HERC1: variants seen among roughly 807,000 people sequenced by gnomAD.
The protein encoded by HERC1 is HECT and RLD domain containing E3 ubiquitin protein ligase family member 1, also known as probable E3 ubiquitin-protein ligase HERC1.
In HERC1, 160 loss-of-function variants were observed where a neutral mutation model predicts 554.3. The observed-to-expected ratio is 0.29, with a 90% CI of 0.25 to 0.33. The LOEUF (loss-of-function observed/expected upper bound fraction) is 0.33, where lower values mean the gene tolerates loss of function less well. Ranked by LOEUF, HERC1 falls within the 10% of genes least tolerant of loss-of-function variation. The pLI, the probability that HERC1 is intolerant of heterozygous loss-of-function variation, is 1.00. For missense variants in HERC1, 4,919 were observed against 5,918.5 expected, an observed-to-expected ratio of 0.83 and a Z score of 5.54; for synonymous variants, 2,175 against 2,131.7, an observed-to-expected ratio of 1.02 and a Z score of -0.56.
Position 63,789,943 on chromosome 15 carries a change from A to G in HERC1, c.-26-14294T>C, listed in dbSNP as rs190183382. On this transcript the variant is annotated intron_variant, in intron 1 of 77. Coordinates refer to ENST00000443617, the MANE Select transcript of HERC1 (RefSeq NM_003922.4). ...CTAGAAAGAAGATGAAGATCACACA[A>G]ACAATATTAGAGGAATCAAACTATG... is the stretch of plus-strand genomic sequence containing the variant. 2.7e-3 allele frequency among the ~76,000 whole-genome samples: 413 copies of G among 152,258 alleles called. 1 individual carries two copies. Among genetic ancestry groups the G allele is most frequent in the African/African-American group, 9.3e-3 (388 of 41,568 alleles).
At chr15:63,782,036 T>C (rs1173097720) in intron 1 of HERC1, among the ~76,000 whole-genome samples, 3 of 152,214 alleles carry the variant, frequency 2.0e-5, no homozygotes, top group African/African-American at 2.4e-5. Flanking sequence ...GGTTCACTCA[T>C]GAGGCTTAAG....
At chr15:63,759,062 A>G (rs2075523888) in intron 3 of HERC1, among the ~76,000 whole-genome samples, 2 of 152,146 alleles carry the variant, frequency 1.3e-5, no homozygotes, top group Non-Finnish European at 2.9e-5. Context: ...TTTAGAGTCT[A>G]TTTATTTGTT....
intron 43 of HERC1, among the ~76,000 whole-genome samples, chr15:63,663,931 C>A (rs896740566): frequency 6.6e-6 from 1 of 152,154 alleles, no homozygotes; most frequent in African/African-American, 2.4e-5. Flanking sequence ...TCTGTTTTGA[C>A]AAATCACATA....
At chr15:63,791,795 T>A (rs911452432) in intron 1 of HERC1, among the ~76,000 whole-genome samples, 6 of 152,180 alleles carry the variant, frequency 3.9e-5, no homozygotes, top group Non-Finnish European at 7.4e-5. Context: ...TTACTAAGAA[T>A]AAAGAAGTTG....
chr15:63,714,873 CA>C (rs1054493405), intron 22 of HERC1, among the ~76,000 whole-genome samples: 1 of 151,798 alleles, frequency 6.6e-6, no homozygotes, highest in African/African-American at 2.4e-5. Context: ...AATGGGAAAC[CA>C]GGCCAAAAAA....
At chr15:63,821,172 A>G (rs2077677234) in intron 1 of HERC1, among the ~76,000 whole-genome samples, 1 of 152,174 alleles carries the variant, frequency 6.6e-6, no homozygotes, top group Non-Finnish European at 1.5e-5. Context: ...CTATAATCCC[A>G]GCACTTTGGG....
In HERC1 at chr15:63,680,539, C is replaced by G. The variant is rs1425228367; in HGVS notation, c.6463G>C (p.Glu2155Gln). Residue 2155 changes from glutamate to glutamine, a missense_variant and splice_region_variant, in exon 35 of 78, where the codon GAG becomes CAG. Glu to Gln is a conservative substitution (Grantham distance 29, BLOSUM62 2). This residue lies in a region of HERC1 where 85 missense variants were observed against 163.2 expected (regional missense o/e 0.52). Transcript: ENST00000443617. The surrounding 1 kb of genome is among the most constrained non-coding windows in gnomAD (Gnocchi z 5.8). ...TGCTTGTGAATGGGTGTCGGTACCT[C>G]TCCATTTTTCCCAAAAGAAATGGTC... ...ARTISFGKNG[E>Q]EPKLAFEDVD... 2 of 1,613,524 alleles carry G rather than the reference C, an allele frequency of 1.2e-6. No individual in the cohort carries two copies. The highest frequency in any genetic ancestry group is 1.7e-6 in the Non-Finnish European group (2 of 1,179,700).
chr15:63,749,098 T>C lies in HERC1; in HGVS notation c.2219+269A>G, dbSNP rs141147660. On this transcript the variant is annotated intron_variant, in intron 10 of 77. Coordinates refer to ENST00000443617, the MANE Select transcript of HERC1 (RefSeq NM_003922.4). The surrounding 1 kb of genome is among the most constrained non-coding windows in gnomAD (Gnocchi z 4.1). ...GATATTTAATTTTTTTAAATCAGCATGTAGAGATGAGAGAGAACTCAAAAT... is the reference window on the plus strand; with the variant it reads ...GATATTTAATTTTTTTAAATCAGCACGTAGAGATGAGAGAGAACTCAAAAT... Among the ~76,000 whole-genome samples, 113 of 152,314 alleles carry C rather than the reference T, an allele frequency of 7.4e-4. No individual in the cohort carries two copies. The highest frequency in any genetic ancestry group is 2.5e-3 in the African/African-American group (103 of 41,586).
intron 42 of HERC1, 74 bp downstream of exon 42, chr15:63,665,845 T>C: frequency 9.5e-7 from 1 of 1,053,656 alleles, no homozygotes; most frequent in Non-Finnish European, 1.4e-6. Flanking sequence ...GAAGCATTTA[T>C]GACGGGATAT....
At chr15:63,640,563 T>C (rs1595875849) in intron 60 of HERC1, 118 bp from the exon 61 acceptor site, 2 of 837,334 alleles carry the variant, frequency 2.4e-6, no homozygotes, top group East Asian at 5.3e-5. Flanking sequence ...TTAAGCTTTT[T>C]GCTAGGAAAT....
chr15:63,769,201 T>C (rs2075874925), intron 2 of HERC1, among the ~76,000 whole-genome samples: 1 of 152,184 alleles, frequency 6.6e-6, no homozygotes, highest in Non-Finnish European at 1.5e-5. Context: ...GTGGATCACC[T>C]GAGGTCAGGA....
intron 26 of HERC1, among the ~76,000 whole-genome samples, chr15:63,698,509 T>C (rs2153067582): frequency 6.6e-6 from 1 of 152,074 alleles, no homozygotes. Flanking sequence ...CTTCTGAGTA[T>C]ATTGTTCTGA....
At chr15:63,767,095 G>C (rs940366740) in intron 2 of HERC1, among the ~76,000 whole-genome samples, 2 of 151,390 alleles carry the variant, frequency 1.3e-5, no homozygotes, top group African/African-American at 4.8e-5. Flanking sequence ...TCCACCTTCC[G>C]GGTTTAAGCA....
At chr15:63,671,972 C>T (rs551945039) in intron 39 of HERC1, among the ~76,000 whole-genome samples, 9 of 152,216 alleles carry the variant, frequency 5.9e-5, no homozygotes, top group African/African-American at 1.9e-4. Flanking sequence ...TTTAAGTAAG[C>T]ATCACTTGGA....
chr15:63,670,629 G>A (rs1223070944), intron 39 of HERC1, among the ~76,000 whole-genome samples: 1 of 152,092 alleles, frequency 6.6e-6, no homozygotes, highest in African/African-American at 2.4e-5. Context: ...GGAGCAAGGG[G>A]GCATGATTCT....
intron 14 of HERC1, among the ~76,000 whole-genome samples, chr15:63,731,497 T>C (rs1376044887): frequency 1.3e-5 from 2 of 152,216 alleles, no homozygotes; most frequent in East Asian, 3.8e-4. Flanking sequence ...TTGGGAAAAA[T>C]TTTTGGTCAT....
chr15:63,635,840 A>G, intron 65 of HERC1, 121 bp downstream of exon 65: 1 of 1,064,360 alleles, frequency 9.4e-7, no homozygotes, highest in Non-Finnish European at 1.4e-6. Context: ...AAACCAATGG[A>G]TCTCTTATAA....
At chr15:63,731,807 A>G (rs2074306445) in intron 14 of HERC1, among the ~76,000 whole-genome samples, 1 of 152,246 alleles carries the variant, frequency 6.6e-6, no homozygotes, top group South Asian at 2.1e-4. Context: ...TGATGAGTAC[A>G]GAGATGTGTA....
chr15:63,824,199 T>C (rs902533060), intron 1 of HERC1, among the ~76,000 whole-genome samples: 5 of 152,092 alleles, frequency 3.3e-5, no homozygotes, highest in East Asian at 1.9e-4. Context: ...GAAATGTAAA[T>C]TGGAACCGCC....
Sources: allele counts gnomAD v4.1 joint callset (sites outside exome capture counted in the v4.1 genomes callset), GRCh38; gene constraint gnomAD v4.1.1; regional missense constraint gnomAD v4.1.1; non-coding constraint Gnocchi (gnomAD v3.1); transcripts MANE v1.5; gene names NCBI Gene and HGNC (gene_info 2026-07-23, HGNC 2026-07-21).